TCF7L2: variants seen among roughly 807,000 people sequenced by gnomAD.
TCF7L2 encodes transcription factor 7-like 2.
A neutral mutation model predicts 77.9 loss-of-function variants in TCF7L2; 23 were observed. The ratio of observed to expected loss-of-function variants is 0.30; its 90% CI spans 0.21 to 0.42. The LOEUF (loss-of-function observed/expected upper bound fraction) is 0.42, where lower values mean the gene tolerates loss of function less well. Ranked by LOEUF, TCF7L2 falls within the 10% of genes least tolerant of loss-of-function variation. The probability of loss-of-function intolerance (pLI) is 1.00; values close to 1 mark genes in which losing one functional copy is unlikely to be tolerated. For missense variants in TCF7L2, 654 were observed against 793.1 expected, an observed-to-expected ratio of 0.82 and a Z score of 2.11; for synonymous variants, 413 against 340.2, an observed-to-expected ratio of 1.21 and a Z score of -2.36.
At chr10:113,165,520 C>T (rs756829717) in intron 13 of TCF7L2, 35 bp from the exon 15 acceptor site, 47 of 1,603,976 alleles carry the variant, frequency 2.9e-5, no homozygotes, top group African/African-American at 4.0e-5. Context: ...CATCTGTGCC[C>T]TCTATTCACA....
intron 5 of TCF7L2, among the ~76,000 whole-genome samples, chr10:113,078,257 G>A (rs987609077): frequency 2.0e-5 from 3 of 151,902 alleles, no homozygotes; most frequent in Non-Finnish European, 2.9e-5. Flanking sequence ...GTCTATGAGC[G>A]GTCCACACAG....
At chr10:113,066,951 A>G (rs2057338152) in intron 5 of TCF7L2, among the ~76,000 whole-genome samples, 3 of 152,238 alleles carry the variant, frequency 2.0e-5, no homozygotes, top group South Asian at 2.1e-4. Context: ...ATGAATGGGA[A>G]CAATGAATAT....
chr10:113,019,985 C>A (rs1294471479), intron 4 of TCF7L2, among the ~76,000 whole-genome samples: 1 of 152,166 alleles, frequency 6.6e-6, no homozygotes, highest in Non-Finnish European at 1.5e-5. Flanking sequence ...AGCCGGTGGC[C>A]TGCTGAAATG....
At chr10:113,014,764 C>T (rs1481373205) in intron 4 of TCF7L2, among the ~76,000 whole-genome samples, 2 of 152,040 alleles carry the variant, frequency 1.3e-5, no homozygotes, top group East Asian at 1.9e-4. Flanking sequence ...CCAGCCTGGG[C>T]GACAGAGCGA....
chr10:113,090,861 G>A (rs556781438), intron 5 of TCF7L2, among the ~76,000 whole-genome samples: 118 of 152,228 alleles, frequency 7.8e-4, no homozygotes, highest in Non-Finnish European at 1.4e-3. Context: ...GCCCGCCTCG[G>A]CCTCCCAAAC....
chr10:113,155,142 A>G (rs369426831), intron 11 of TCF7L2, among the ~76,000 whole-genome samples: 1 of 152,104 alleles, frequency 6.6e-6, no homozygotes, highest in Non-Finnish European at 1.5e-5. Context: ...GGAAGCCTTT[A>G]TATCTTTACC....
intron 5 of TCF7L2, among the ~76,000 whole-genome samples, chr10:113,095,462 A>G (rs1321306226): frequency 6.6e-6 from 1 of 152,148 alleles, no homozygotes; most frequent in Admixed American, 6.5e-5. Context: ...AAATGAGCGG[A>G]CAAATTTTCT....
chr10:113,058,974 GGA>G (rs1343604025), intron 5 of TCF7L2, among the ~76,000 whole-genome samples: 6 of 152,136 alleles, frequency 3.9e-5, no homozygotes, highest in Non-Finnish European at 5.9e-5. Context: ...TAAAGTGTCA[GGA>G]GCAAGACCCC....
At chr10:112,961,254 A>AACCCCCCC (rs2035050924) in intron 3 of TCF7L2, among the ~76,000 whole-genome samples, 4 of 60,482 alleles carry the variant, frequency 6.6e-5, no homozygotes, top group South Asian at 5.5e-4. Context: ...ACCTCAGGTG[A>AACCCCCCC]CCCCCCCCCC....
At chr10:112,980,627 C>CTTT (rs1175995835) in intron 4 of TCF7L2, among the ~76,000 whole-genome samples, 1 of 143,332 alleles carries the variant, frequency 7.0e-6, no homozygotes. Context: ...GCATTTGTTT[C>CTTT]TTTTTTTTTT....
chr10:113,090,726 C>T (rs1014097265), intron 5 of TCF7L2, among the ~76,000 whole-genome samples: 6 of 152,330 alleles, frequency 3.9e-5, no homozygotes, highest in African/African-American at 1.2e-4. Flanking sequence ...TCGCCTGCCT[C>T]AGCCTCCCGA....
At chr10:113,095,169 A>G (rs946873182) in intron 5 of TCF7L2, among the ~76,000 whole-genome samples, 6 of 152,204 alleles carry the variant, frequency 3.9e-5, no homozygotes, top group African/African-American at 1.4e-4. Flanking sequence ...GTGCAACTGC[A>G]TCTCATGTGG....
In TCF7L2 at chr10:112,950,673, C is replaced by A; in HGVS notation, c.-84C>A. 2 of 1,385,482 alleles carry A rather than the reference C, an allele frequency of 1.4e-6. No individual in the cohort carries two copies. The highest frequency in any genetic ancestry group is 1.9e-6 in the Non-Finnish European group (2 of 1,052,342). The allele number at this position is 1,385,482 out of a possible 1,614,324, so 85.8% of individuals were successfully genotyped here. On this transcript the variant is annotated 5_prime_UTR_variant, in exon 1 of 14. Transcript: ENST00000627217. ...TTTCTTGCAATATTTTTTGGGGGGG[C>A]AAAACTTTTTGGGGGTGATTTTTTT...
chr10:113,059,209 T>G (rs2055975944), intron 5 of TCF7L2, among the ~76,000 whole-genome samples: 1 of 152,088 alleles, frequency 6.6e-6, no homozygotes, highest in Non-Finnish European at 1.5e-5. Flanking sequence ...CTTTTAAATG[T>G]TTTCGGAGTG....
chr10:113,076,860 C>G (rs955800569), intron 5 of TCF7L2, among the ~76,000 whole-genome samples: 43 of 152,180 alleles, frequency 2.8e-4, no homozygotes, highest in African/African-American at 1.0e-3. Context: ...ATTTTCACCC[C>G]ACCAGATATC....
intron 5 of TCF7L2, among the ~76,000 whole-genome samples, chr10:113,084,299 A>T (rs1157920527): frequency 6.6e-6 from 1 of 152,226 alleles, no homozygotes; most frequent in Non-Finnish European, 1.5e-5. Context: ...CTGAGTCTAA[A>T]GGCTGGAGGA....
chr10:113,050,984 A>G (rs1033189850), intron 5 of TCF7L2, among the ~76,000 whole-genome samples: 1 of 151,982 alleles, frequency 6.6e-6, no homozygotes, highest in Non-Finnish European at 1.5e-5. Context: ...TGAAGCTGAC[A>G]TCTGTCTCTA....
chr10:113,009,429 T>C (rs2046091716), intron 4 of TCF7L2, among the ~76,000 whole-genome samples: 1 of 152,184 alleles, frequency 6.6e-6, no homozygotes. Context: ...CCCTGGAGAC[T>C]CTCGCCTGCA....
chr10:113,141,270 G>T lies in TCF7L2; in HGVS notation c.639G>T (p.Pro213=), dbSNP rs772550681. 2 of 1,614,080 alleles carry T rather than the reference G, an allele frequency of 1.2e-6. No homozygotes were observed. Among genetic ancestry groups the T allele is most frequent in the Non-Finnish European group, 1.7e-6 (2 of 1,180,022 alleles). The change falls in exon 6 of 14, where the codon CCG becomes CCT. Residue 213 remains proline (P), a synonymous_variant. Coordinates refer to ENST00000627217, the MANE Select transcript of TCF7L2 (RefSeq NM_001146274.2). ...CGTACAGCAATGAACACTTCACGCC[G>T]GGAAACCCACCTCCACACTTACCAG...
Sources: gnomAD v4.1 joint callset for allele counts (sites outside exome capture counted in the v4.1 genomes callset) on GRCh38, gnomAD v4.1.1 for gene constraint, MANE v1.5 for transcripts, NCBI Gene and HGNC (gene_info 2026-07-23, HGNC 2026-07-21) for gene names.